Variants in EMC3 observed in about 807,000 individuals in gnomAD.
EMC3 encodes the protein 30 kDa protein.
EMC3 carries 13 observed loss-of-function variants against 36.6 expected under a neutral mutation model. The ratio of observed to expected loss-of-function variants is 0.35; its 90% CI spans 0.23 to 0.56. The LOEUF (loss-of-function observed/expected upper bound fraction) is 0.56. EMC3 is among the 20% of genes least tolerant of loss of function. The probability of loss-of-function intolerance (pLI) is 0.84; values close to 1 mark genes in which losing one functional copy is unlikely to be tolerated. For synonymous variants in EMC3, 120 were observed against 111.9 expected (o/e 1.07, Z -0.46); for missense variants, 220 against 324.5 (o/e 0.68, Z 2.47).
At chr3:9,976,245 A>G (rs2085848784) in intron 3 of EMC3, among the ~76,000 whole-genome samples, 1 of 152,086 alleles carries the variant, frequency 6.6e-6, no homozygotes, top group Non-Finnish European at 1.5e-5. Flanking sequence ...AGCTGGGACT[A>G]CAGGCACCCA....
intron 1 of EMC3, chr3:10,007,027 A>C (rs528513457): frequency 6.2e-5 from 18 of 288,286 alleles, no homozygotes; most frequent in African/African-American, 3.9e-4. Flanking sequence ...ATTAGGTGGC[A>C]AATGGGTCAC....
intron 1 of EMC3, chr3:10,007,753 CT>C: frequency 1.1e-6 from 1 of 952,046 alleles, no homozygotes; most frequent in Non-Finnish European, 1.4e-6. Flanking sequence ...CATCAAGGAG[CT>C]TCCTTGTGGG....
intron 1 of EMC3, among the ~76,000 whole-genome samples, chr3:9,993,851 C>T (rs1292072750): frequency 6.6e-6 from 1 of 152,144 alleles, no homozygotes; most frequent in African/African-American, 2.4e-5. Flanking sequence ...GGTGGAACAT[C>T]CCTGGGGGGT....
At chr3:10,005,741 G>A (rs1020732598) in intron 1 of EMC3, among the ~76,000 whole-genome samples, 2 of 152,098 alleles carry the variant, frequency 1.3e-5, no homozygotes, top group Admixed American at 6.6e-5. Flanking sequence ...CCAGCTCATG[G>A]TGGCCATGGG....
At chr3:9,989,682 A>G (rs2086022639), upstream of EMC3, among the ~76,000 whole-genome samples, 2 of 152,208 alleles carry the variant, frequency 1.3e-5, no homozygotes. Flanking sequence ...TACTCCAAAC[A>G]CACTGTTTTT....
chr3:9,969,326 C>T, intron 7 of EMC3: 1 of 1,106,186 alleles, frequency 9.0e-7, no homozygotes, highest in Non-Finnish European at 1.1e-6. Flanking sequence ...AAAAATCATA[C>T]TAAATTTTGC....
upstream of EMC3, among the ~76,000 whole-genome samples, chr3:9,991,583 G>A (rs191298637): frequency 1.8e-3 from 267 of 151,778 alleles, 4 homozygotes; most frequent in East Asian, 0.022. Flanking sequence ...TGGCACAATC[G>A]TAGCTCACTG....
rs1279029143 is a variant in EMC3 at position 9,978,048 on chromosome 3, C to T, written c.156-602G>A. On this transcript the variant is annotated intron_variant, in intron 1 of 7. Coordinates refer to ENST00000245046, the MANE Select transcript of EMC3 (RefSeq NM_001394674.1). The stretch of plus-strand genomic sequence containing the variant: ...ATGCTAGGCCAGGTGCAGTGGCTCA[C>T]GCCTCTAATCCCAGCAATTTGGAAG... Among the ~76,000 whole-genome samples the T allele has an allele frequency of 2.0e-5, 3 of 149,686 alleles. No individual in the cohort carries two copies. In the Admixed American group the frequency reaches 2.0e-4, roughly 10 times the overall value.
upstream of EMC3, chr3:9,987,409 G>T: frequency 4.2e-6 from 2 of 480,082 alleles, no homozygotes; most frequent in South Asian, 8.8e-5. Flanking sequence ...AGATGGGATA[G>T]TCCCCACAGG....
intron 1 of EMC3, among the ~76,000 whole-genome samples, chr3:9,983,866 C>T (rs1309167733): frequency 6.6e-6 from 1 of 152,146 alleles, no homozygotes; most frequent in Admixed American, 6.6e-5. Context: ...TGAGACTGAT[C>T]TGAGTTCAAG....
At chr3:9,986,914 G>C (rs764050585), upstream of EMC3, 1 of 1,289,138 alleles carries the variant, frequency 7.8e-7, no homozygotes, top group Non-Finnish European at 9.9e-7. Flanking sequence ...TGGCGGGAAA[G>C]TGGAAAACTA....
chr3:9,969,676 C>G, intron 7 of EMC3, 43 bp downstream of exon 7: 2 of 1,613,998 alleles, frequency 1.2e-6, no homozygotes, highest in Non-Finnish European at 1.7e-6. Flanking sequence ...TTGGTAACAC[C>G]TTTCAGAGCA....
intron 7 of EMC3, among the ~76,000 whole-genome samples, chr3:9,968,342 G>A (rs2085752343): frequency 6.6e-6 from 1 of 152,182 alleles, no homozygotes; most frequent in African/African-American, 2.4e-5. Flanking sequence ...TACAATTGAT[G>A]TTGAACTTAT....
At chr3:9,976,453 G>A (rs1346105479) in intron 3 of EMC3, among the ~76,000 whole-genome samples, 1 of 152,196 alleles carries the variant, frequency 6.6e-6, no homozygotes, top group Non-Finnish European at 1.5e-5. Context: ...ACTGGTATCA[G>A]TGGAAGTAGA....
In EMC3 at chr3:9,966,423, A is replaced by G. The variant is rs1428759068; in HGVS notation, c.658-2226T>C. ...TTTTTAGTAGAGATGGGGTTTCACC[A>G]TGTTGACCAAGCTGATCTTGAACTT... is the stretch of plus-strand genomic sequence containing the variant. On this transcript the variant is annotated intron_variant, in intron 7 of 7. Coordinates refer to ENST00000245046, the MANE Select transcript of EMC3 (RefSeq NM_001394674.1). Among the ~76,000 whole-genome samples, 10 of 151,838 alleles carry G rather than the reference A, an allele frequency of 6.6e-5. No individual in the cohort carries two copies. The East Asian group carries it at 1.9e-3, about 29-fold the overall frequency.
intron 1 of EMC3, among the ~76,000 whole-genome samples, chr3:10,000,001 A>G (rs1484321525): frequency 2.0e-5 from 3 of 152,108 alleles, no homozygotes; most frequent in South Asian, 2.1e-4. Context: ...ATATAAAACC[A>G]ATCTCCATTA....
At chr3:9,989,474 A>G (rs1176956775), upstream of EMC3, among the ~76,000 whole-genome samples, 1 of 152,208 alleles carries the variant, frequency 6.6e-6, no homozygotes, top group Non-Finnish European at 1.5e-5. Context: ...TCCATCTCAA[A>G]AGATAAAAAG....
At chr3:9,980,796 T>C (rs1315272519) in intron 1 of EMC3, among the ~76,000 whole-genome samples, 5 of 152,170 alleles carry the variant, frequency 3.3e-5, no homozygotes, top group Non-Finnish European at 7.3e-5. Flanking sequence ...CCTTTGCATA[T>C]TTTATTACTT....
chr3:10,005,782 CAT>C (rs2086255688), intron 1 of EMC3, among the ~76,000 whole-genome samples: 1 of 152,122 alleles, frequency 6.6e-6, no homozygotes, highest in Non-Finnish European at 1.5e-5. Context: ...CTGTGGCAAT[CAT>C]AGAAAGAAAA....
Sources: gnomAD v4.1 joint callset for allele counts (sites outside exome capture counted in the v4.1 genomes callset) on GRCh38, gnomAD v4.1.1 for gene constraint, MANE v1.5 for transcripts, NCBI Gene and HGNC (gene_info 2026-07-23, HGNC 2026-07-21) for gene names.